Variants in JKAMP observed in about 807,000 individuals in gnomAD.
JKAMP encodes JNK1/MAPK8 associated membrane protein.
JKAMP carries 20 observed loss-of-function variants against 40.2 expected under a neutral mutation model. The ratio of observed to expected loss-of-function variants is 0.50; its 90% CI spans 0.35 to 0.72. The LOEUF (loss-of-function observed/expected upper bound fraction) is 0.72. Ranked by LOEUF, JKAMP falls within the 30% of genes least tolerant of loss-of-function variation. The probability of loss-of-function intolerance (pLI) is 0.01; values close to 1 mark genes in which losing one functional copy is unlikely to be tolerated. For synonymous variants in JKAMP, 138 were observed against 131.6 expected (o/e 1.05, Z -0.33); for missense variants, 276 against 373.0 (o/e 0.74, Z 2.14).
In JKAMP at chr14:59,505,331, A is replaced by G. The variant is rs1335043135; in HGVS notation, c.*1259A>G. 7.2e-7 allele frequency: 1 copy of G among 1,394,136 alleles called. No homozygotes were observed. The highest frequency in any genetic ancestry group is 1.4e-5 in the African/African-American group (1 of 69,152). 86.4% of individuals were successfully genotyped at this position (1,394,136 alleles called of 1,614,324 possible). On this transcript the variant is annotated 3_prime_UTR_variant, in exon 7 of 7. Coordinates refer to ENST00000616435, the MANE Select transcript of JKAMP (RefSeq NM_016475.5). ...TTCTTCTTCTCTGTAGGAATAAAAAATAAATATAAAAATTTTATTTGTATT... is the reference window on the plus strand; with the variant it reads ...TTCTTCTTCTCTGTAGGAATAAAAAGTAAATATAAAAATTTTATTTGTATT...
intron 6 of JKAMP, among the ~76,000 whole-genome samples, chr14:59,501,976 G>A (rs1012521793): frequency 2.6e-5 from 4 of 152,006 alleles, no homozygotes; most frequent in South Asian, 2.1e-4. Context: ...ATATCATAAC[G>A]TTTATATTTT....
At chr14:59,493,159 G>T (rs1010621343) in intron 3 of JKAMP, among the ~76,000 whole-genome samples, 1 of 152,108 alleles carries the variant, frequency 6.6e-6, no homozygotes, top group Admixed American at 6.6e-5. Context: ...ATGAGAAACC[G>T]ATTCACAGAT....
intron 5 of JKAMP, 154 bp from the exon 6 acceptor site, chr14:59,501,037 T>G (rs1378095173): frequency 1.8e-6 from 1 of 565,910 alleles, no homozygotes; most frequent in African/African-American, 1.9e-5. Flanking sequence ...AGAAAAAGCT[T>G]GCTGGCCACT....
At chr14:59,502,759 T>TGTTTTGTTTTGTTTTG (rs1566583958) in intron 6 of JKAMP, among the ~76,000 whole-genome samples, 6 of 131,004 alleles carry the variant, frequency 4.6e-5, no homozygotes, top group Non-Finnish European at 9.7e-5. Context: ...GATTTTTTTT[T>TGTTTTGTTTTGTTTTG]TTTTTTTTTT....
chr14:59,493,283 G>A (rs574960628), intron 3 of JKAMP, among the ~76,000 whole-genome samples: 41 of 152,260 alleles, frequency 2.7e-4, no homozygotes, highest in Non-Finnish European at 4.7e-4. Context: ...AGAGAACCAA[G>A]GCACACCTGT....
chr14:59,493,179 A>T (rs1891163223), intron 3 of JKAMP, among the ~76,000 whole-genome samples: 1 of 152,196 alleles, frequency 6.6e-6, no homozygotes, highest in South Asian at 2.1e-4. Context: ...TCCCAGAAGG[A>T]AAACACATCC....
At position 59,489,882 on chromosome 14, in the gene JKAMP, C is replaced by T. The variant is rs1320674338; in HGVS notation, c.251+2054C>T. ...ATGGTGATAGGGGGAGGAGGTACCT[C>T]TTTCTTTCATTTTTTTTAATGTTTT... On this transcript the variant is annotated intron_variant, in intron 3 of 6. Coordinates refer to ENST00000616435, the MANE Select transcript of JKAMP (RefSeq NM_016475.5). Among the ~76,000 whole-genome samples, 3 of 37,432 alleles carry T rather than the reference C, an allele frequency of 8.0e-5. No individual in the cohort carries two copies. The South Asian group carries it at 2.3e-3, about 29-fold the overall frequency. 24.6% of individuals were successfully genotyped at this position (37,432 alleles called of 152,430 possible).
At chr14:59,486,012 G>C (rs1398226643) in intron 1 of JKAMP, 1 of 152,172 alleles carries the variant, frequency 6.6e-6, no homozygotes, top group South Asian at 2.1e-4. Flanking sequence ...CAAAGACAAC[G>C]TATTAGGTTC....
chr14:59,495,225 G>C lies in JKAMP; in HGVS notation c.458+1G>C, dbSNP rs1891351131. ...GTACTCATGAAGCCGTCTACCCACT[G>C]TAAGTGTTTATTTCGACTTAAGATC... On this transcript the variant is annotated splice_donor_variant, in intron 4 of 6. Transcript: ENST00000616435. LOFTEE classifies it high-confidence loss of function. 1.3e-6 allele frequency: 2 copies of C among 1,590,360 alleles called. No individual in the cohort carries two copies. Among genetic ancestry groups the C allele is most frequent in the Non-Finnish European group, 1.7e-6 (2 of 1,159,512 alleles).
At chr14:59,484,880 T>G in intron 1 of JKAMP, 1 of 1,290,602 alleles carries the variant, frequency 7.7e-7, no homozygotes, top group Non-Finnish European at 1.0e-6. Flanking sequence ...AGGGAACACT[T>G]GCTTGAGGGT....
intron 4 of JKAMP, among the ~76,000 whole-genome samples, chr14:59,497,571 C>G (rs1478338914): frequency 6.6e-6 from 1 of 152,008 alleles, no homozygotes; most frequent in Non-Finnish European, 1.5e-5. Flanking sequence ...AGGTAGCAAA[C>G]AAGACTAGGA....
chr14:59,486,753 G>C lies in JKAMP; in HGVS notation c.45G>C (p.Gly15=). 1 of 1,596,332 alleles carries C rather than the reference G, an allele frequency of 6.3e-7. No homozygotes were observed. The highest frequency in any genetic ancestry group is 8.5e-7 in the Non-Finnish European group (1 of 1,170,232). The change falls in exon 2 of 7, where the codon GGG becomes GGC. Residue 15 remains glycine (G), a synonymous_variant. Transcript: ENST00000616435. ...IQPACLGLYC[G]KTLLFKNGST... Reference sequence around the variant, plus strand: ...CAGCATGCCTTGGACTTTATTGTGGGAAGACCCTATTATTTAAAAATGGCT... The same window carrying C: ...CAGCATGCCTTGGACTTTATTGTGGCAAGACCCTATTATTTAAAAATGGCT...
At chr14:59,485,305 TATTA>T (rs1020735635) in intron 1 of JKAMP, among the ~76,000 whole-genome samples, 12 of 152,248 alleles carry the variant, frequency 7.9e-5, no homozygotes, top group African/African-American at 2.4e-4. Context: ...CATTTTCATG[TATTA>T]ATTTAGAACA....
rs937432829 is a variant in JKAMP at position 59,501,337 on chromosome 14, A to G, written c.717+70A>G. Reference sequence around the variant, plus strand: ...TGACAATTCAATATCAGAATAGTCCATATGATATGATATAGTACAACTAAT... The same window carrying G: ...TGACAATTCAATATCAGAATAGTCCGTATGATATGATATAGTACAACTAAT... On this transcript the variant is annotated intron_variant, in intron 6 of 6. Transcript: ENST00000616435. 3 of 893,680 alleles carry G rather than the reference A, an allele frequency of 3.4e-6. No individual in the cohort carries two copies. In the African/African-American group the frequency reaches 5.0e-5, roughly 15 times the overall value. The allele number at this position is 893,680 out of a possible 1,614,324, so 55.4% of individuals were successfully genotyped here.
chr14:59,503,952 T>C lies in JKAMP; in HGVS notation c.816T>C (p.Asp272=), dbSNP rs1303399869. 1 of 1,613,694 alleles carries C rather than the reference T, an allele frequency of 6.2e-7. No individual in the cohort carries two copies. The highest frequency in any genetic ancestry group is 8.5e-7 in the Non-Finnish European group (1 of 1,179,632). Residue 272 remains aspartate, a synonymous_variant, in exon 7 of 7, where the codon GAT becomes GAC. Transcript: ENST00000616435. ...AYGIISISRV[D]KLEQDLPLLA... Reference sequence around the variant, plus strand: ...GAATAATCTCCATTTCCAGAGTGGATAAACTTGAGCAAGATTTGCCCCTTT... The same window carrying C: ...GAATAATCTCCATTTCCAGAGTGGACAAACTTGAGCAAGATTTGCCCCTTT...
intron 3 of JKAMP, among the ~76,000 whole-genome samples, chr14:59,492,954 C>T (rs752389862): frequency 7.9e-5 from 12 of 152,004 alleles, no homozygotes; most frequent in Non-Finnish European, 1.3e-4. Flanking sequence ...CCTGCCACCA[C>T]GCCCGGCCAA....
At chr14:59,500,580 A>G (rs905939671) in intron 5 of JKAMP, among the ~76,000 whole-genome samples, 6 of 152,204 alleles carry the variant, frequency 3.9e-5, no homozygotes, top group Non-Finnish European at 7.4e-5. Flanking sequence ...TTGCTAAATG[A>G]CCTTTTCTAA....
At chr14:59,498,940 A>G (rs1483455492) in intron 5 of JKAMP, 32 bp downstream of exon 5, 3 of 1,253,974 alleles carry the variant, frequency 2.4e-6, no homozygotes, top group African/African-American at 3.2e-5. Context: ...AATGAAATAT[A>G]TTTATTATTG....
In JKAMP at chr14:59,501,072, C is replaced by A. The variant is rs897299375; in HGVS notation, c.641-119C>A. ...TGCCTCAGAACCTTAGGTTGTAAGT[C>A]TCACAGAACTGGTTGAGAAAGGATT... On this transcript the variant is annotated intron_variant, in intron 5 of 6. Coordinates refer to ENST00000616435, the MANE Select transcript of JKAMP (RefSeq NM_016475.5). 2.3e-5 allele frequency: 15 copies of A among 643,408 alleles called. No homozygotes were observed. The African/African-American group carries it at 2.4e-4, about 10-fold the overall frequency. The allele number at this position is 643,408 out of a possible 1,614,324, so 39.9% of individuals were successfully genotyped here.
Sources: gnomAD v4.1 joint callset for allele counts (sites outside exome capture counted in the v4.1 genomes callset) on GRCh38, gnomAD v4.1.1 for gene constraint, MANE v1.5 for transcripts, NCBI Gene and HGNC (gene_info 2026-07-23, HGNC 2026-07-21) for gene names.